The following CCDC178 variants were observed in gnomAD, a reference collection of about 807,000 sequenced individuals.
The protein encoded by CCDC178 is coiled-coil domain containing 178.
A neutral mutation model predicts 117.4 loss-of-function variants in CCDC178; 126 were observed. That is an observed-to-expected ratio of 1.07 (90% CI 0.93 to 1.24). The LOEUF is 1.24. Among genes scored for constraint, CCDC178 ranks in the 50% most tolerant of loss-of-function variants. The pLI is 0.00. For missense variants in CCDC178, 1,030 were observed against 986.9 expected, an observed-to-expected ratio of 1.04 and a Z score of -0.59; for synonymous variants, 283 against 313.4, an observed-to-expected ratio of 0.90 and a Z score of 1.02.
intron 12 of CCDC178, among the ~76,000 whole-genome samples, chr18:33,286,432 C>T (rs2060099921): frequency 6.6e-6 from 1 of 152,186 alleles, no homozygotes; most frequent in Non-Finnish European, 1.5e-5. Context: ...AATCACTCAG[C>T]TTCTCTAGGC....
intron 21 of CCDC178, among the ~76,000 whole-genome samples, chr18:33,056,920 G>GTTGGAA (rs2056840016): frequency 6.8e-6 from 1 of 147,390 alleles, no homozygotes; most frequent in African/African-American, 2.5e-5. Flanking sequence ...CATCTTTGAT[G>GTTGGAA]TTGGAATTGC....
chr18:33,326,881 C>T (rs961557550), intron 10 of CCDC178, among the ~76,000 whole-genome samples: 3 of 151,702 alleles, frequency 2.0e-5, no homozygotes, highest in African/African-American at 7.3e-5. Flanking sequence ...ACTCCCTTTG[C>T]GAAAACTCAA....
At chr18:33,392,619 T>G (rs1238016071) in intron 4 of CCDC178, among the ~76,000 whole-genome samples, 1 of 152,146 alleles carries the variant, frequency 6.6e-6, no homozygotes, top group African/African-American at 2.4e-5. Context: ...AGAATCAAAT[T>G]CTTGTGTAAG....
intron 14 of CCDC178, among the ~76,000 whole-genome samples, chr18:33,260,800 A>C (rs569952214): frequency 3.5e-4 from 53 of 151,764 alleles, no homozygotes; most frequent in African/African-American, 1.2e-3. Flanking sequence ...GTTTTTTTTC[A>C]TAAGGCTATT....
intron 3 of CCDC178, among the ~76,000 whole-genome samples, chr18:33,398,789 T>G (rs1042608788): frequency 6.6e-6 from 1 of 152,216 alleles, no homozygotes; most frequent in Non-Finnish European, 1.5e-5. Context: ...ACAAAGTGTT[T>G]GGTCTCCAAA....
intron 2 of CCDC178, among the ~76,000 whole-genome samples, chr18:33,434,276 A>G (rs1307427382): frequency 1.3e-5 from 2 of 152,180 alleles, no homozygotes; most frequent in African/African-American, 2.4e-5. Context: ...CCATCTGGAG[A>G]ATAAGAAAAT....
chr18:33,276,667 T>C (rs2059954171), intron 12 of CCDC178, among the ~76,000 whole-genome samples: 1 of 152,092 alleles, frequency 6.6e-6, no homozygotes, highest in Non-Finnish European at 1.5e-5. Context: ...AAAAGAATAA[T>C]GATTAGATTT....
chr18:33,339,338 C>A (rs1349188717), intron 9 of CCDC178, among the ~76,000 whole-genome samples: 1 of 151,662 alleles, frequency 6.6e-6, no homozygotes, highest in Non-Finnish European at 1.5e-5. Context: ...ATTGACAAAT[C>A]TTTTGCTTGA....
chr18:33,318,818 T>G (rs1435750853), intron 11 of CCDC178, among the ~76,000 whole-genome samples: 1 of 151,904 alleles, frequency 6.6e-6, no homozygotes, highest in African/African-American at 2.4e-5. Flanking sequence ...TGCATAAAAC[T>G]GAAAGTCAAA....
chr18:33,135,742 T>C (rs1276235241), intron 20 of CCDC178, among the ~76,000 whole-genome samples: 1 of 152,166 alleles, frequency 6.6e-6, no homozygotes, highest in African/African-American at 2.4e-5. Flanking sequence ...ATCTGCCTAA[T>C]TTCAACAATT....
chr18:33,014,505 C>T (rs914787519), intron 21 of CCDC178, among the ~76,000 whole-genome samples: 1 of 152,172 alleles, frequency 6.6e-6, no homozygotes, highest in South Asian at 2.1e-4. Context: ...AAAGGCACAC[C>T]TATGTGTAGG....
chr18:33,177,783 T>C (rs2058680519), intron 20 of CCDC178, among the ~76,000 whole-genome samples: 1 of 152,180 alleles, frequency 6.6e-6, no homozygotes, highest in Non-Finnish European at 1.5e-5. Context: ...ATCTATTAAT[T>C]ATCTCTAGTA....
chr18:33,080,486 A>G (rs551195319), intron 21 of CCDC178, among the ~76,000 whole-genome samples: 19 of 152,138 alleles, frequency 1.2e-4, no homozygotes, highest in Non-Finnish European at 2.4e-4. Flanking sequence ...GTATTGACAC[A>G]GGAAAAAGAT....
At chr18:33,310,925 G>A (rs1273456648) in intron 11 of CCDC178, among the ~76,000 whole-genome samples, 1 of 152,106 alleles carries the variant, frequency 6.6e-6, no homozygotes, top group Non-Finnish European at 1.5e-5. Context: ...CCAGAGTGGG[G>A]CATCTTGCCA....
intron 3 of CCDC178, among the ~76,000 whole-genome samples, chr18:33,398,829 G>T (rs1445674865): frequency 6.6e-6 from 1 of 152,056 alleles, no homozygotes; most frequent in Non-Finnish European, 1.5e-5. Flanking sequence ...TTATACTGTA[G>T]TCTATTAAGT....
At chr18:33,213,171 C>T (rs2144593747) in intron 19 of CCDC178, among the ~76,000 whole-genome samples, 1 of 152,064 alleles carries the variant, frequency 6.6e-6, no homozygotes, top group East Asian at 1.9e-4. Flanking sequence ...TGTGTAAGCT[C>T]AACTAGTTGG....
At chr18:33,372,657 G>A (rs1334826447) in intron 5 of CCDC178, among the ~76,000 whole-genome samples, 4 of 152,120 alleles carry the variant, frequency 2.6e-5, no homozygotes, top group Non-Finnish European at 5.9e-5. Context: ...CTCCAAGCCA[G>A]AGTTGAGGTT....
chr18:33,221,524 G>A (rs1200856943), intron 18 of CCDC178, among the ~76,000 whole-genome samples: 6 of 152,086 alleles, frequency 3.9e-5, no homozygotes, highest in Non-Finnish European at 5.9e-5. Context: ...TATAAGGAGC[G>A]TCCCTTGGGA....
intron 20 of CCDC178, among the ~76,000 whole-genome samples, chr18:33,167,783 C>T (rs2058550902): frequency 6.6e-6 from 1 of 152,002 alleles, no homozygotes; most frequent in Non-Finnish European, 1.5e-5. Flanking sequence ...AGGAGAATTG[C>T]ATAACCCCGG....
Sources: allele counts gnomAD v4.1 joint callset (sites outside exome capture counted in the v4.1 genomes callset), GRCh38; gene constraint gnomAD v4.1.1; transcripts MANE v1.5; gene names NCBI Gene and HGNC (gene_info 2026-07-23, HGNC 2026-07-21).